CSMD3: variants seen among roughly 807,000 people sequenced by gnomAD.
The protein encoded by CSMD3 is CUB and Sushi multiple domains 3.
In CSMD3, 177 loss-of-function variants were observed where a neutral mutation model predicts 435.2. The observed-to-expected ratio is 0.41, with a 90% confidence interval of 0.36 to 0.46. The LOEUF is 0.46. CSMD3 is among the 20% of genes least tolerant of loss of function. The pLI is 0.34. For synonymous variants in CSMD3, 1,656 were observed against 1,520.5 expected (o/e 1.09, Z -2.07); for missense variants, 4,265 against 4,504.6 (o/e 0.95, Z 1.52).
At chr8:112,441,568 C>T (rs781258536) in intron 32 of CSMD3, among the ~76,000 whole-genome samples, 1 of 152,204 alleles carries the variant, frequency 6.6e-6, no homozygotes, top group Non-Finnish European at 1.5e-5. Flanking sequence ...CATTCTCATG[C>T]TGCTATAAAG....
chr8:113,289,641 C>T (rs2093672023), intron 2 of CSMD3, among the ~76,000 whole-genome samples: 1 of 151,416 alleles, frequency 6.6e-6, no homozygotes, highest in Non-Finnish European at 1.5e-5. Context: ...AGTCAACTGA[C>T]TTCCTCCCAT....
chr8:112,757,557 T>C (rs2077729058), intron 13 of CSMD3, among the ~76,000 whole-genome samples: 1 of 152,166 alleles, frequency 6.6e-6, no homozygotes, highest in Non-Finnish European at 1.5e-5. Context: ...AAATATTTTT[T>C]GTATCTGGCT....
chr8:112,514,366 A>G (rs899274920), intron 28 of CSMD3, among the ~76,000 whole-genome samples: 1 of 152,144 alleles, frequency 6.6e-6, no homozygotes, highest in East Asian at 1.9e-4. Flanking sequence ...ATGCATCTCT[A>G]TTTTTGCCCA....
At chr8:113,393,705 A>G (rs1410343158) in intron 1 of CSMD3, among the ~76,000 whole-genome samples, 1 of 152,190 alleles carries the variant, frequency 6.6e-6, no homozygotes, top group South Asian at 2.1e-4. Flanking sequence ...TGCATACATT[A>G]TAACAGATAA....
chr8:112,825,410 TTTGTTGTTGTTG>T (rs145600692), intron 12 of CSMD3, among the ~76,000 whole-genome samples: 1 of 151,974 alleles, frequency 6.6e-6, no homozygotes, highest in African/African-American at 2.4e-5. Context: ...TTTTCATCTT[TTTGTTGTTGTTG>T]TTGTTGTTGT....
At chr8:113,071,298 A>G (rs528954486) in intron 5 of CSMD3, among the ~76,000 whole-genome samples, 2 of 151,936 alleles carry the variant, frequency 1.3e-5, no homozygotes, top group East Asian at 3.9e-4. Context: ...CATTTTATTG[A>G]TTATTCTCTT....
At chr8:113,036,623 C>T (rs1587938793) in intron 5 of CSMD3, among the ~76,000 whole-genome samples, 2 of 151,868 alleles carry the variant, frequency 1.3e-5, no homozygotes, top group East Asian at 3.9e-4. Flanking sequence ...CAATTCAATC[C>T]CACTGTACTG....
chr8:113,046,672 G>A lies in CSMD3; in HGVS notation c.918-27493C>T, dbSNP rs1018812916. Among the ~76,000 whole-genome samples, 5 of 152,200 alleles carry A rather than the reference G, an allele frequency of 3.3e-5. 1 individual carries two copies. The highest frequency in any genetic ancestry group is 3.3e-4 in the Admixed American group (5 of 15,286). Reference sequence around the variant, plus strand: ...GTCCTGCCCCCGGCTTGAGGAGGCCGGCGTCAAAGAGCTCTCCACAGCCTC... The same window carrying A: ...GTCCTGCCCCCGGCTTGAGGAGGCCAGCGTCAAAGAGCTCTCCACAGCCTC... On this transcript the variant is annotated intron_variant, in intron 5 of 70. Coordinates refer to ENST00000297405, the MANE Select transcript of CSMD3 (RefSeq NM_198123.2).
chr8:112,531,443 C>T (rs1478179772), intron 27 of CSMD3, among the ~76,000 whole-genome samples: 1 of 152,134 alleles, frequency 6.6e-6, no homozygotes, highest in Admixed American at 6.5e-5. Flanking sequence ...GCTTTGGGTG[C>T]CAGTTACAAC....
intron 2 of CSMD3, among the ~76,000 whole-genome samples, chr8:113,296,741 C>T (rs180980989): frequency 1.9e-4 from 29 of 152,190 alleles, no homozygotes; most frequent in African/African-American, 6.5e-4. Context: ...AACTGTCTTT[C>T]CTCCTTCTGT....
chr8:113,185,224 T>C (rs1267689796), intron 3 of CSMD3, among the ~76,000 whole-genome samples: 3 of 152,024 alleles, frequency 2.0e-5, no homozygotes, highest in Non-Finnish European at 4.4e-5. Flanking sequence ...TGTGTGTTTG[T>C]TTTTTCTTTT....
At chr8:112,910,227 C>G (rs951807947) in intron 10 of CSMD3, among the ~76,000 whole-genome samples, 6 of 151,650 alleles carry the variant, frequency 4.0e-5, no homozygotes, top group African/African-American at 1.5e-4. Context: ...TCACGTGCAG[C>G]CAGGGATGGG....
At chr8:113,332,921 A>T (rs1465500580) in intron 1 of CSMD3, among the ~76,000 whole-genome samples, 3 of 151,764 alleles carry the variant, frequency 2.0e-5, no homozygotes, top group Non-Finnish European at 3.0e-5. Context: ...CTGGTGGCAT[A>T]AAGATGGACA....
At chr8:112,368,016 G>C (rs984917983) in intron 38 of CSMD3, among the ~76,000 whole-genome samples, 3 of 152,088 alleles carry the variant, frequency 2.0e-5, no homozygotes, top group African/African-American at 7.2e-5. Flanking sequence ...TTGGTTTTTA[G>C]GGAACCTCAA....
chr8:113,303,838 C>A (rs973076822), intron 2 of CSMD3, among the ~76,000 whole-genome samples: 13 of 139,910 alleles, frequency 9.3e-5, no homozygotes, highest in African/African-American at 2.9e-4. Flanking sequence ...TTACCATTCA[C>A]GACATAGGCA....
chr8:112,518,740 T>G (rs1335866462), intron 27 of CSMD3, among the ~76,000 whole-genome samples: 1 of 152,028 alleles, frequency 6.6e-6, no homozygotes, highest in African/African-American at 2.4e-5. Flanking sequence ...ATTAGTCTGT[T>G]AACACACTGC....
At chr8:112,789,543 A>G (rs1043651963) in intron 13 of CSMD3, among the ~76,000 whole-genome samples, 4 of 152,026 alleles carry the variant, frequency 2.6e-5, no homozygotes, top group Non-Finnish European at 4.4e-5. Flanking sequence ...TGCTTATATT[A>G]TGTTAGTATA....
At chr8:112,630,224 G>A (rs1239135177) in intron 22 of CSMD3, among the ~76,000 whole-genome samples, 4 of 152,002 alleles carry the variant, frequency 2.6e-5, no homozygotes, top group Non-Finnish European at 5.9e-5. Context: ...TAAATTTGTG[G>A]TAATCTATTA....
chr8:113,400,982 TAAAG>T (rs1325362004), intron 1 of CSMD3, among the ~76,000 whole-genome samples: 2 of 151,846 alleles, frequency 1.3e-5, no homozygotes, highest in East Asian at 3.9e-4. Flanking sequence ...AATTGAGAGA[TAAAG>T]AAACTAAATA....
Sources: gnomAD v4.1 joint callset for allele counts (sites outside exome capture counted in the v4.1 genomes callset) on GRCh38, gnomAD v4.1.1 for gene constraint, MANE v1.5 for transcripts, NCBI Gene and HGNC (gene_info 2026-07-23, HGNC 2026-07-21) for gene names.